The following NMNAT3 variants were observed in gnomAD, a reference collection of about 807,000 sequenced individuals.
The protein encoded by NMNAT3 is nicotinamide nucleotide adenylyltransferase 3.
A neutral mutation model predicts 24.8 loss-of-function variants in NMNAT3; 21 were observed. That is an observed-to-expected ratio of 0.85 (90% CI 0.60 to 1.22). The LOEUF is 1.22. Ranked by LOEUF, NMNAT3 falls within the 50% of genes most tolerant of loss-of-function variation. The pLI, the probability that NMNAT3 is intolerant of heterozygous loss-of-function variation, is 0.00. For missense variants in NMNAT3, 387 were observed against 436.6 expected, an observed-to-expected ratio of 0.89 and a Z score of 1.01; for synonymous variants, 136 against 155.2, an observed-to-expected ratio of 0.88 and a Z score of 0.92.
chr3:139,652,896 CA>C (rs1032448705), intron 1 of NMNAT3, among the ~76,000 whole-genome samples: 4 of 152,034 alleles, frequency 2.6e-5, no homozygotes, highest in Admixed American at 6.6e-5. Context: ...AGTCCAGAAG[CA>C]AAAGTGACCA....
At chr3:139,589,606 G>A (rs1448881628) in intron 3 of NMNAT3, among the ~76,000 whole-genome samples, 1 of 152,166 alleles carries the variant, frequency 6.6e-6, no homozygotes, top group African/African-American at 2.4e-5. Flanking sequence ...ATTAGAACAG[G>A]TGTCAGCAGG....
chr3:139,583,628 A>G, intron 3 of NMNAT3: 4 of 964,244 alleles, frequency 4.1e-6, no homozygotes, highest in Non-Finnish European at 6.7e-6. Flanking sequence ...AGCTATTTCT[A>G]AAACACATAT....
At chr3:139,596,964 A>ATATAT (rs1405063694) in intron 3 of NMNAT3, among the ~76,000 whole-genome samples, 2 of 108,556 alleles carry the variant, frequency 1.8e-5, no homozygotes, top group Non-Finnish European at 3.7e-5. Flanking sequence ...ATATATATAT[A>ATATAT]TTTTTATTAC....
chr3:139,592,597 C>T (rs1430100172), intron 3 of NMNAT3, among the ~76,000 whole-genome samples: 1 of 152,174 alleles, frequency 6.6e-6, no homozygotes, highest in Non-Finnish European at 1.5e-5. Context: ...CAAAGGGAAG[C>T]CCATCAGACT....
At chr3:139,613,514 C>T (rs556175642) in intron 3 of NMNAT3, among the ~76,000 whole-genome samples, 51 of 152,252 alleles carry the variant, frequency 3.3e-4, no homozygotes, top group African/African-American at 1.1e-3. Flanking sequence ...TGGAGAAATA[C>T]GTACACTTTT....
intron 1 of NMNAT3, among the ~76,000 whole-genome samples, chr3:139,655,164 C>A (rs1222955163): frequency 6.6e-6 from 1 of 152,222 alleles, no homozygotes; most frequent in Non-Finnish European, 1.5e-5. Flanking sequence ...CATGCTGAGG[C>A]AGTAGCAGGG....
chr3:139,591,700 C>G (rs1479110650), intron 3 of NMNAT3, among the ~76,000 whole-genome samples: 135 of 141,928 alleles, frequency 9.5e-4, no homozygotes, highest in South Asian at 2.5e-3. Context: ...CACCCCCCAG[C>G]AGGGGCAGAC....
chr3:139,660,745 AC>A (rs1217908573), intron 1 of NMNAT3, among the ~76,000 whole-genome samples: 2 of 152,206 alleles, frequency 1.3e-5, no homozygotes. Context: ...AGATAAGGTA[AC>A]AACAAACACT....
chr3:139,659,144 T>C lies in NMNAT3; in HGVS notation c.-141+18561A>G, dbSNP rs557557769. Among the ~76,000 whole-genome samples, 52 of 152,372 alleles carry C rather than the reference T, an allele frequency of 3.4e-4. 1 individual carries two copies. Among genetic ancestry groups the C allele is most frequent in the Admixed American group, 2.2e-3 (33 of 15,304 alleles). ...TGAATGGTGTTCCATTATTTGGCTATACCACAGTTTATCTGTTCTCCTATT... is the reference window on the plus strand; with the variant it reads ...TGAATGGTGTTCCATTATTTGGCTACACCACAGTTTATCTGTTCTCCTATT... On this transcript the variant is annotated intron_variant, in intron 1 of 6. Transcript: ENST00000643695.
chr3:139,620,718 A>G (rs2055729801), intron 3 of NMNAT3, among the ~76,000 whole-genome samples: 1 of 152,098 alleles, frequency 6.6e-6, no homozygotes, highest in African/African-American at 2.4e-5. Context: ...ACACACATTT[A>G]ACTTTTTTTT....
intron 1 of NMNAT3, among the ~76,000 whole-genome samples, chr3:139,645,209 A>T (rs1380664549): frequency 6.6e-6 from 1 of 152,118 alleles, no homozygotes; most frequent in Non-Finnish European, 1.5e-5. Flanking sequence ...CTCAAAAAAG[A>T]AAAAAAGAAA....
At chr3:139,613,622 A>G (rs1419251471) in intron 3 of NMNAT3, among the ~76,000 whole-genome samples, 1 of 152,180 alleles carries the variant, frequency 6.6e-6, no homozygotes, top group East Asian at 1.9e-4. Context: ...TGACCCAGCC[A>G]TCCCATTACT....
At position 139,627,780 on chromosome 3, in the gene NMNAT3, A is replaced by C; in HGVS notation, c.-40-16T>G. The C allele has an allele frequency of 9.8e-7, 1 of 1,024,710 alleles. No individual in the cohort carries two copies. The highest frequency in any genetic ancestry group is 1.4e-6 in the Non-Finnish European group (1 of 694,628). 63.5% of individuals were successfully genotyped at this position (1,024,710 alleles called of 1,614,324 possible). On this transcript the variant is annotated splice_polypyrimidine_tract_variant and intron_variant, in intron 2 of 6. Coordinates refer to ENST00000643695, the MANE Select transcript of NMNAT3 (RefSeq NM_001320510.2). ...GGCCACCCTGCTTTTATGGGGACAA[A>C]AGCTCATGTCAGGGAGTTAGCACTG...
chr3:139,581,614 T>C (rs2053619340), intron 4 of NMNAT3, among the ~76,000 whole-genome samples: 1 of 152,168 alleles, frequency 6.6e-6, no homozygotes, highest in Non-Finnish European at 1.5e-5. Context: ...GTACATACTA[T>C]ATGATTCAAT....
chr3:139,644,455 C>A (rs1159482986), intron 1 of NMNAT3, among the ~76,000 whole-genome samples: 1 of 152,088 alleles, frequency 6.6e-6, no homozygotes, highest in Non-Finnish European at 1.5e-5. Flanking sequence ...CAAAGTTTAC[C>A]ACTCAGTCAC....
chr3:139,646,030 T>C (rs1370844885), intron 1 of NMNAT3, among the ~76,000 whole-genome samples: 3 of 152,186 alleles, frequency 2.0e-5, no homozygotes, highest in Non-Finnish European at 1.5e-5. Context: ...TAAAGTTGCT[T>C]TTAACTTCCA....
chr3:139,576,260 A>G, intron 5 of NMNAT3: 1 of 982,924 alleles, frequency 1.0e-6, no homozygotes, highest in African/African-American at 1.7e-5. Context: ...GATTTTGATA[A>G]TTTTCGGAAA....
At chr3:139,621,350 G>A (rs1453083541) in intron 3 of NMNAT3, among the ~76,000 whole-genome samples, 1 of 152,026 alleles carries the variant, frequency 6.6e-6, no homozygotes, top group Non-Finnish European at 1.5e-5. Flanking sequence ...CAAATATTTG[G>A]CCCAGTTTTT....
rs947721732 is a variant in NMNAT3 at position 139,606,725 on chromosome 3, C to T, written c.109+20891G>A. ...TCTACAATATTAATTAGTATTCTAC[C>T]GTAAGGAAGGATTGACCTTTCTCCT... is the stretch of plus-strand genomic sequence containing the variant. On this transcript the variant is annotated intron_variant, in intron 3 of 6. Transcript: ENST00000643695. Among the ~76,000 whole-genome samples, 3 of 152,076 alleles carry T rather than the reference C, an allele frequency of 2.0e-5. No individual in the cohort carries two copies. The East Asian group carries it at 5.8e-4, about 29-fold the overall frequency.
Sources: allele counts gnomAD v4.1 joint callset (sites outside exome capture counted in the v4.1 genomes callset), GRCh38; gene constraint gnomAD v4.1.1; transcripts MANE v1.5; gene names NCBI Gene and HGNC (gene_info 2026-07-23, HGNC 2026-07-21).